The following SLC25A48 variants were observed in gnomAD, a reference collection of about 807,000 sequenced individuals.
The protein encoded by SLC25A48 is solute carrier family 25 member 48, also known as CTC-321K16.1.
In SLC25A48, 29 loss-of-function variants were observed where a neutral mutation model predicts 32.2. The ratio of observed to expected loss-of-function variants is 0.90; its 90% CI spans 0.67 to 1.23. SLC25A48 has a LOEUF of 1.23. SLC25A48 is among the 50% of genes most tolerant of loss of function. The pLI is 0.00. For synonymous variants in SLC25A48, 164 were observed against 172.3 expected (o/e 0.95, Z 0.38); for missense variants, 399 against 422.7 (o/e 0.94, Z 0.49).
Position 135,720,203 on chromosome 5 carries a change from A to G in SLC25A48, c.-521+85247A>G, listed in dbSNP as rs116282387. 5.0e-3 allele frequency among the ~76,000 whole-genome samples: 763 copies of G among 152,316 alleles called. 6 individuals carry two copies. Among genetic ancestry groups the G allele is most frequent in the African/African-American group, 0.017 (722 of 41,572 alleles). ...GGTTCTCTTCCATCCTGAGTGATTC[A>G]GTTGACTCAGACCCATTCTTGGGTC... On this transcript the variant is annotated intron_variant, in intron 3 of 10. Coordinates refer to the SLC25A48 transcript ENST00000646290.
chr5:135,651,082 T>C (rs1753099584), intron 3 of SLC25A48, among the ~76,000 whole-genome samples: 1 of 152,086 alleles, frequency 6.6e-6, no homozygotes, highest in African/African-American at 2.4e-5. Context: ...ACAAAGAGCA[T>C]TGGAGGGACA....
At chr5:135,679,999 C>T (rs1204223104) in intron 3 of SLC25A48, among the ~76,000 whole-genome samples, 1 of 152,182 alleles carries the variant, frequency 6.6e-6, no homozygotes, top group African/African-American at 2.4e-5. Context: ...ACGTGGACCT[C>T]TGGGAGCCAC....
intron 3 of SLC25A48, among the ~76,000 whole-genome samples, chr5:135,792,916 C>T (rs560817214): frequency 5.9e-5 from 9 of 151,354 alleles, no homozygotes; most frequent in African/African-American, 1.9e-4. Flanking sequence ...GGATATGGTT[C>T]GTAATATCCT....
upstream of SLC25A48, among the ~76,000 whole-genome samples, chr5:135,832,452 G>A (rs1473803228): frequency 6.6e-6 from 1 of 152,148 alleles, no homozygotes; most frequent in African/African-American, 2.4e-5. Context: ...GGTGGACATG[G>A]GGAGGGGATT....
At chr5:135,605,816 C>A (rs1362867469) in intron 1 of SLC25A48, among the ~76,000 whole-genome samples, 1 of 152,182 alleles carries the variant, frequency 6.6e-6, no homozygotes, top group Admixed American at 6.5e-5. Flanking sequence ...AGAGAAATAT[C>A]TGTGGTGCCA....
At chr5:135,724,095 T>C (rs1422915641) in intron 3 of SLC25A48, among the ~76,000 whole-genome samples, 1 of 152,232 alleles carries the variant, frequency 6.6e-6, no homozygotes, top group Non-Finnish European at 1.5e-5. Context: ...ACTGTCCTTT[T>C]CAATGGCTTT....
chr5:135,623,708 A>C lies in SLC25A48; in HGVS notation c.-848-5529A>C, dbSNP rs557131229. Among the ~76,000 whole-genome samples, 43 of 152,314 alleles carry C rather than the reference A, an allele frequency of 2.8e-4. No individual in the cohort carries two copies. In the South Asian group the frequency reaches 7.5e-3, roughly 26 times the overall value. ...GCAAGTGTTTATCCCAGCCTTACACAGAGGAGACACCCAGGAAATCATGTT... is the reference window on the plus strand; with the variant it reads ...GCAAGTGTTTATCCCAGCCTTACACCGAGGAGACACCCAGGAAATCATGTT... On this transcript the variant is annotated intron_variant, in intron 1 of 10. Transcript: ENST00000646290.
intron 3 of SLC25A48, among the ~76,000 whole-genome samples, chr5:135,639,943 T>A (rs1228766709): frequency 2.0e-5 from 3 of 152,194 alleles, no homozygotes; most frequent in African/African-American, 7.2e-5. Flanking sequence ...TGATTGCTAG[T>A]CAAGAAAAAA....
At chr5:135,849,459 C>G (rs1759662681) in intron 2 of SLC25A48, among the ~76,000 whole-genome samples, 1 of 152,182 alleles carries the variant, frequency 6.6e-6, no homozygotes, top group African/African-American at 2.4e-5. Flanking sequence ...CTTACTCAGA[C>G]CCTCTATGCC....
chr5:135,631,826 A>G (rs1292749601), intron 2 of SLC25A48, among the ~76,000 whole-genome samples: 1 of 152,236 alleles, frequency 6.6e-6, no homozygotes, highest in Admixed American at 6.5e-5. Context: ...CATGATTTAA[A>G]GAGTTTCTCA....
chr5:135,581,863 C>T (rs1751242296), intron 1 of SLC25A48, among the ~76,000 whole-genome samples: 1 of 152,048 alleles, frequency 6.6e-6, no homozygotes, highest in Admixed American at 6.5e-5. Flanking sequence ...GGGATGCTGC[C>T]TAACTGGGTG....
chr5:135,873,114 T>C (rs1761791945), intron 5 of SLC25A48, among the ~76,000 whole-genome samples: 1 of 152,172 alleles, frequency 6.6e-6, no homozygotes, highest in Non-Finnish European at 1.5e-5. Context: ...CCCATTGTCC[T>C]GGCAGAAGGC....
At chr5:135,755,314 T>C (rs2127012152) in intron 3 of SLC25A48, among the ~76,000 whole-genome samples, 1 of 152,222 alleles carries the variant, frequency 6.6e-6, no homozygotes, top group African/African-American at 2.4e-5. Context: ...GCTGTAATAG[T>C]TATCATATTT....
At chr5:135,626,849 C>T (rs1752451201) in intron 1 of SLC25A48, among the ~76,000 whole-genome samples, 1 of 152,148 alleles carries the variant, frequency 6.6e-6, no homozygotes, top group South Asian at 2.1e-4. Context: ...GCCTGCACTG[C>T]CCTCAGTCCC....
chr5:135,788,690 A>AG (rs906326603), intron 3 of SLC25A48, among the ~76,000 whole-genome samples: 22 of 81,056 alleles, frequency 2.7e-4, no homozygotes, highest in African/African-American at 7.8e-4. Context: ...TCTAATATCC[A>AG]GGGGGGGAAG....
intron 3 of SLC25A48, among the ~76,000 whole-genome samples, chr5:135,803,741 T>A (rs1288791228): frequency 6.6e-6 from 1 of 151,558 alleles, no homozygotes; most frequent in Non-Finnish European, 1.5e-5. Context: ...ACAGGCACTG[T>A]AATAGGATAT....
intron 3 of SLC25A48, among the ~76,000 whole-genome samples, chr5:135,718,507 A>G (rs1211485719): frequency 6.6e-6 from 1 of 152,204 alleles, no homozygotes; most frequent in Non-Finnish European, 1.5e-5. Context: ...TAACAGTAAT[A>G]TGGATCTCTA....
intron 1 of SLC25A48, among the ~76,000 whole-genome samples, chr5:135,626,293 T>G (rs2126902977): frequency 6.6e-6 from 1 of 152,332 alleles, no homozygotes; most frequent in South Asian, 2.1e-4. Flanking sequence ...ACCCAGCTGT[T>G]TTTCTGCAAA....
intron 1 of SLC25A48, among the ~76,000 whole-genome samples, chr5:135,581,631 G>C (rs1300410511): frequency 6.6e-6 from 1 of 152,202 alleles, no homozygotes; most frequent in Non-Finnish European, 1.5e-5. Flanking sequence ...AAAGTAGTTG[G>C]CTCTAGAAAT....
Sources: gnomAD v4.1 joint callset for allele counts (sites outside exome capture counted in the v4.1 genomes callset) on GRCh38, gnomAD v4.1.1 for gene constraint, MANE v1.5 for transcripts, NCBI Gene and HGNC (gene_info 2026-07-23, HGNC 2026-07-21) for gene names.